The following HHIP variants were observed in gnomAD, a reference collection of about 807,000 sequenced individuals.
HHIP encodes hedgehog-interacting protein.
Under a neutral mutation model 74.0 loss-of-function variants are expected in HHIP, and 12 were observed. The ratio of observed to expected loss-of-function variants is 0.16; its 90% CI spans 0.10 to 0.26. The LOEUF (loss-of-function observed/expected upper bound fraction) is 0.26. Ranked by LOEUF, HHIP falls within the 10% of genes least tolerant of loss-of-function variation. The pLI is 1.00. For synonymous variants in HHIP, 309 were observed against 311.6 expected (o/e 0.99, Z 0.09); for missense variants, 788 against 845.0 (o/e 0.93, Z 0.84).
chr4:144,706,199 A>C (rs1209735337), intron 4 of HHIP, among the ~76,000 whole-genome samples: 1 of 152,220 alleles, frequency 6.6e-6, no homozygotes, highest in African/African-American at 2.4e-5. Context: ...AACTACAAGC[A>C]ACCTAGTAAC....
rs1672302060 is a variant in HHIP at position 144,742,903 on chromosome 4, T to TTATATATATCTTA, written c.*4959_*4971dup. On this transcript the variant is annotated 3_prime_UTR_variant, in exon 13 of 13. Coordinates refer to ENST00000296575, the MANE Select transcript of HHIP (RefSeq NM_022475.3). The stretch of plus-strand genomic sequence containing the variant: ...ATATATATCTTATATATATATCTTT[T>TTATATATATCTTA]TATATATATCTTATATATATATCTT... The TTATATATATCTTA allele has an allele frequency of 5.2e-4, 1 of 1,912 alleles. No homozygotes were observed. Among genetic ancestry groups the TTATATATATCTTA allele is most frequent in the African/African-American group, 6.4e-4 (1 of 1,570 alleles). 0.1% of individuals were successfully genotyped at this position (1,912 alleles called of 1,614,324 possible). A position where few individuals can be genotyped will look rare whatever the true frequency, so the allele number is the denominator to read the frequency against.
At chr4:144,717,156 T>C (rs1201040212) in intron 10 of HHIP, among the ~76,000 whole-genome samples, 2 of 152,192 alleles carry the variant, frequency 1.3e-5, no homozygotes, top group East Asian at 1.9e-4. Flanking sequence ...TTCACTGGAT[T>C]ACATTTTAAT....
Position 144,714,288 on chromosome 4 carries a change from T to C in HHIP, c.1487T>C (p.Val496Ala). The change falls in exon 9 of 13, where the codon GTA (valine) becomes GCA (alanine). Residue 496 changes from valine to alanine, a missense_variant. Val to Ala is a moderately conservative substitution (Grantham distance 64). Coordinates refer to ENST00000296575, the MANE Select transcript of HHIP (RefSeq NM_022475.3). ...AATGGTCCTTTGGTTGGTGGATTTG[T>C]ATACCGGGGCTGCCAGTCAGAAAGA... is the stretch of plus-strand genomic sequence containing the variant. Reference protein sequence around the residue: ...FSNGPLVGGFVYRGCQSERLY... With the variant: ...FSNGPLVGGFAYRGCQSERLY... 1 of 1,613,506 alleles carries C rather than the reference T, an allele frequency of 6.2e-7. No individual in the cohort carries two copies.
At chr4:144,713,672 C>T (rs968171312) in intron 8 of HHIP, among the ~76,000 whole-genome samples, 2 of 152,044 alleles carry the variant, frequency 1.3e-5, no homozygotes, top group Non-Finnish European at 2.9e-5. Flanking sequence ...ATAAACAGAA[C>T]ATTAAAATAT....
intron 11 of HHIP, among the ~76,000 whole-genome samples, chr4:144,725,657 C>T (rs1037238065): frequency 8.4e-5 from 12 of 142,852 alleles, no homozygotes; most frequent in Non-Finnish European, 1.5e-4. Context: ...TGGGTGTGTG[C>T]GCGTGCGTGT....
chr4:144,715,104 C>A, intron 9 of HHIP, 196 bp from the exon 10 acceptor site: 3 of 467,768 alleles, frequency 6.4e-6, no homozygotes, highest in Non-Finnish European at 1.2e-5. Context: ...AAACAAAATA[C>A]TATCTTTAAG....
At chr4:144,689,585 C>G (rs1163656607) in intron 4 of HHIP, among the ~76,000 whole-genome samples, 1 of 152,012 alleles carries the variant, frequency 6.6e-6, no homozygotes, top group Non-Finnish European at 1.5e-5. Context: ...TTGATTTTTG[C>G]CTGGAGCACT....
chr4:144,711,363 T>C (rs973675815), intron 7 of HHIP, among the ~76,000 whole-genome samples: 4 of 152,192 alleles, frequency 2.6e-5, no homozygotes, highest in African/African-American at 9.7e-5. Context: ...GGGATACATG[T>C]GCTGAACTTG....
rs558518106 is a variant in HHIP, at chr4:144,712,318, G to A, written c.1423+247G>A. Among the ~76,000 whole-genome samples, 33 of 152,152 alleles carry A rather than the reference G, an allele frequency of 2.2e-4. No individual in the cohort carries two copies. In the Middle Eastern group the frequency reaches 0.017, roughly 78 times the overall value. ...CTCAGTAGGTCCAAAAAATTTAACCGTCCTTCAAAAGTTAGCAGCTTATAT... is the reference window on the plus strand; with the variant it reads ...CTCAGTAGGTCCAAAAAATTTAACCATCCTTCAAAAGTTAGCAGCTTATAT... On this transcript the variant is annotated intron_variant, in intron 8 of 12. Coordinates refer to ENST00000296575, the MANE Select transcript of HHIP (RefSeq NM_022475.3).
chr4:144,654,409 G>A (rs1432411359), intron 2 of HHIP, among the ~76,000 whole-genome samples: 7 of 152,114 alleles, frequency 4.6e-5, no homozygotes, highest in Admixed American at 6.5e-5. Context: ...AAGATAACCA[G>A]ATGAAAGCTC....
intron 4 of HHIP, among the ~76,000 whole-genome samples, chr4:144,677,336 C>T (rs1050846666): frequency 6.6e-6 from 1 of 152,198 alleles, no homozygotes; most frequent in Admixed American, 6.5e-5. Flanking sequence ...TACTTTCCCC[C>T]GTGTTGGCTT....
At chr4:144,649,778 T>A (rs1382515790) in intron 1 of HHIP, among the ~76,000 whole-genome samples, 1 of 152,190 alleles carries the variant, frequency 6.6e-6, no homozygotes, top group East Asian at 1.9e-4. Flanking sequence ...CAATCATTTG[T>A]TTGCTCTGGC....
intron 4 of HHIP, among the ~76,000 whole-genome samples, chr4:144,706,037 A>G (rs1329943185): frequency 1.3e-5 from 2 of 152,226 alleles, no homozygotes; most frequent in South Asian, 2.1e-4. Context: ...TCCAGGGTAA[A>G]GCAAAGGTTT....
At chr4:144,708,382 C>T in intron 7 of HHIP, 71 bp downstream of exon 7, 1 of 1,499,598 alleles carries the variant, frequency 6.7e-7, no homozygotes, top group East Asian at 2.3e-5. Flanking sequence ...GAAAATATAG[C>T]ATAGAGCATA....
intron 1 of HHIP, 168 bp downstream of exon 1, chr4:144,647,122 G>A: frequency 1.7e-6 from 1 of 578,434 alleles, no homozygotes; most frequent in South Asian, 2.9e-5. Flanking sequence ...GTTCCTCTGG[G>A]GTAAGCAAGT....
chr4:144,682,322 C>T (rs1729369059), intron 4 of HHIP, among the ~76,000 whole-genome samples: 2 of 152,232 alleles, frequency 1.3e-5, no homozygotes, highest in Non-Finnish European at 2.9e-5. Context: ...TGTTCAGGTG[C>T]TCTTAACCAA....
At chr4:144,696,975 T>C (rs1729838050) in intron 4 of HHIP, among the ~76,000 whole-genome samples, 2 of 152,006 alleles carry the variant, frequency 1.3e-5, no homozygotes, top group African/African-American at 4.8e-5. Flanking sequence ...TTTACATATC[T>C]AACATTTTGT....
chr4:144,711,223 A>C (rs1367534368), intron 7 of HHIP, among the ~76,000 whole-genome samples: 2 of 152,216 alleles, frequency 1.3e-5, no homozygotes, highest in Non-Finnish European at 2.9e-5. Flanking sequence ...GAGCAGCCTA[A>C]GTTTTAGAAT....
In HHIP at chr4:144,734,823, G is replaced by A. The variant is rs544633972; in HGVS notation, c.1843G>A (p.Gly615Ser). ...AGAGTGCTCCAGGCTCTGTCGAAAC[G>A]GCTACTGCACCCCCACGGGAAAGTG... ...TSECSRLCRNGYCTPTGKCCC... is the reference protein window; with the variant it reads ...TSECSRLCRNSYCTPTGKCCC... Residue 615 changes from glycine to serine, a missense_variant, in exon 12 of 13, where the codon GGC (glycine) becomes AGC (serine). Coordinates refer to ENST00000296575, the MANE Select transcript of HHIP (RefSeq NM_022475.3). The A allele has an allele frequency of 9.3e-6, 15 of 1,612,754 alleles. No homozygotes were observed. Among genetic ancestry groups the A allele is most frequent in the East Asian group, 6.7e-5 (3 of 44,850 alleles).
Sources: allele counts gnomAD v4.1 joint callset (sites outside exome capture counted in the v4.1 genomes callset), GRCh38; gene constraint gnomAD v4.1.1; transcripts MANE v1.5; gene names NCBI Gene and HGNC (gene_info 2026-07-23, HGNC 2026-07-21).